LARP4: variants seen among roughly 807,000 people sequenced by gnomAD.
The protein encoded by LARP4 is La ribonucleoprotein 4.
A neutral mutation model predicts 92.9 loss-of-function variants in LARP4; 29 were observed. The ratio of observed to expected loss-of-function variants is 0.31; its 90% CI spans 0.23 to 0.43. LARP4 has a LOEUF of 0.43. LARP4 is among the 20% of genes least tolerant of loss of function. The pLI, the probability that LARP4 is intolerant of heterozygous loss-of-function variation, is 1.00. For synonymous variants in LARP4, 279 were observed against 284.1 expected, an observed-to-expected ratio of 0.98 and a Z score of 0.18; for missense variants, 732 against 860.0, an observed-to-expected ratio of 0.85 and a Z score of 1.86.
At chr12:50,449,394 T>A (rs527788247) in intron 8 of LARP4, among the ~76,000 whole-genome samples, 3 of 152,232 alleles carry the variant, frequency 2.0e-5, no homozygotes, top group African/African-American at 7.2e-5. Context: ...TTGAGTGCAG[T>A]TTAACATGAT....
At chr12:50,451,309 T>C (rs1175540458) in intron 8 of LARP4, among the ~76,000 whole-genome samples, 1 of 152,202 alleles carries the variant, frequency 6.6e-6, no homozygotes, top group Non-Finnish European at 1.5e-5. Flanking sequence ...AGTGAGATCA[T>C]GCAGTGTTTG....
At chr12:50,420,485 T>A (rs1282577271) in intron 1 of LARP4, among the ~76,000 whole-genome samples, 1 of 151,788 alleles carries the variant, frequency 6.6e-6, no homozygotes, top group Non-Finnish European at 1.5e-5. Context: ...TTTCAGGGAG[T>A]TCAGCAGATC....
chr12:50,448,074 A>G (rs1350334523), intron 8 of LARP4, among the ~76,000 whole-genome samples: 2 of 151,854 alleles, frequency 1.3e-5, no homozygotes, highest in Admixed American at 1.3e-4. Flanking sequence ...ACCATCTTGG[A>G]CAGGTTGGTC....
intron 5 of LARP4, among the ~76,000 whole-genome samples, chr12:50,436,119 T>A (rs1950402899): frequency 7.1e-6 from 1 of 140,616 alleles, no homozygotes; most frequent in African/African-American, 2.8e-5. Context: ...TGTGTGTGTG[T>A]GATATGTGTG....
At chr12:50,459,205 G>A (rs1196566257) in intron 10 of LARP4, among the ~76,000 whole-genome samples, 1 of 152,058 alleles carries the variant, frequency 6.6e-6, no homozygotes, top group Non-Finnish European at 1.5e-5. Context: ...CACCATGTTA[G>A]CCAGGCTGGT....
At chr12:50,455,718 T>G (rs960302979) in intron 10 of LARP4, among the ~76,000 whole-genome samples, 3 of 152,124 alleles carry the variant, frequency 2.0e-5, no homozygotes, top group African/African-American at 7.2e-5. Context: ...TAGTCAGAGT[T>G]TTTGGACTAT....
chr12:50,428,672 T>C (rs1949185102), intron 2 of LARP4, among the ~76,000 whole-genome samples: 1 of 152,238 alleles, frequency 6.6e-6, no homozygotes, highest in Non-Finnish European at 1.5e-5. Flanking sequence ...GATTTTCTGA[T>C]AATTAAATGA....
At chr12:50,424,656 C>T (rs2136936266) in intron 1 of LARP4, among the ~76,000 whole-genome samples, 1 of 152,050 alleles carries the variant, frequency 6.6e-6, no homozygotes, top group Middle Eastern at 3.4e-3. Flanking sequence ...CCATGCCCAG[C>T]CAACCCTGTC....
chr12:50,460,137 C>CAA (rs201843418), intron 10 of LARP4, among the ~76,000 whole-genome samples: 103 of 117,626 alleles, frequency 8.8e-4, no homozygotes, highest in African/African-American at 2.9e-3. Flanking sequence ...TCCATCTCAC[C>CAA]AAAAAAAAAA....
chr12:50,442,005 G>A (rs970823432), intron 8 of LARP4, among the ~76,000 whole-genome samples: 6 of 152,192 alleles, frequency 3.9e-5, no homozygotes, highest in Non-Finnish European at 8.8e-5. Context: ...AGCAGAGATT[G>A]CATCACTGCA....
chr12:50,443,769 C>T (rs914522336), intron 8 of LARP4, among the ~76,000 whole-genome samples: 3 of 152,036 alleles, frequency 2.0e-5, no homozygotes, highest in African/African-American at 4.8e-5. Flanking sequence ...CTAACAACCA[C>T]GCCCAGCTAA....
chr12:50,458,661 CAT>C (rs1470102612), intron 10 of LARP4, among the ~76,000 whole-genome samples: 3 of 152,284 alleles, frequency 2.0e-5, no homozygotes, highest in African/African-American at 4.8e-5. Context: ...ATGGGCCAAA[CAT>C]AAATCTCACT....
intron 10 of LARP4, among the ~76,000 whole-genome samples, chr12:50,456,204 C>A (rs1954212242): frequency 6.6e-6 from 1 of 152,100 alleles, no homozygotes; most frequent in African/African-American, 2.4e-5. Flanking sequence ...TTGGTGACAG[C>A]CAGGAATGAC....
chr12:50,455,343 C>T (rs1200459816), intron 10 of LARP4, among the ~76,000 whole-genome samples: 1 of 152,160 alleles, frequency 6.6e-6, no homozygotes, highest in Non-Finnish European at 1.5e-5. Flanking sequence ...GCTAGGATTA[C>T]AGGCGTGATA....
At chr12:50,474,990 A>G (rs531554400) in intron 15 of LARP4, among the ~76,000 whole-genome samples, 1 of 152,252 alleles carries the variant, frequency 6.6e-6, no homozygotes, top group African/African-American at 2.4e-5. Context: ...TAGTAATAAT[A>G]CTAAAATAAT....
At chr12:50,430,791 G>T (rs1050735807) in intron 4 of LARP4, among the ~76,000 whole-genome samples, 2 of 151,968 alleles carry the variant, frequency 1.3e-5, no homozygotes, top group African/African-American at 4.8e-5. Context: ...CTCCAGAGTA[G>T]CTGGGATTAC....
intron 10 of LARP4, among the ~76,000 whole-genome samples, chr12:50,459,113 C>T (rs752694276): frequency 2.0e-5 from 3 of 152,160 alleles, no homozygotes; most frequent in African/African-American, 7.2e-5. Context: ...ATTCTCCTGC[C>T]TCAGCCTCCT....
chr12:50,435,756 C>A, intron 5 of LARP4, 132 bp downstream of exon 5: 1 of 661,410 alleles, frequency 1.5e-6, no homozygotes, highest in Non-Finnish European at 2.5e-6. Flanking sequence ...GTTCCGAATT[C>A]TCTCTCTTTG....
chr12:50,433,642 T>A (rs1040203619), intron 4 of LARP4, among the ~76,000 whole-genome samples: 3 of 119,464 alleles, frequency 2.5e-5, no homozygotes, highest in African/African-American at 1.2e-4. Context: ...AGGAATATCT[T>A]TTTTTTTTTT....
Sources: allele counts gnomAD v4.1 joint callset (sites outside exome capture counted in the v4.1 genomes callset), GRCh38; gene constraint gnomAD v4.1.1; transcripts MANE v1.5; gene names NCBI Gene and HGNC (gene_info 2026-07-23, HGNC 2026-07-21).